Variants in LRTM1 observed in about 807,000 individuals in gnomAD.
The protein encoded by LRTM1 is leucine-rich repeat and transmembrane domain-containing protein 1.
Under a neutral mutation model 32.4 loss-of-function variants are expected in LRTM1, and 38 were observed. The observed-to-expected ratio is 1.17, with a 90% CI of 0.91 to 1.54. The LOEUF (loss-of-function observed/expected upper bound fraction) is 1.54. LRTM1 is among the 40% of genes most tolerant of loss of function. The pLI is 0.00. For missense variants in LRTM1, 466 were observed against 415.4 expected (o/e 1.12, Z -1.06); for synonymous variants, 186 against 169.9 (o/e 1.09, Z -0.74).
At chr3:54,952,379 A>G (rs977092303) in intron 1 of LRTM1, among the ~76,000 whole-genome samples, 1 of 152,166 alleles carries the variant, frequency 6.6e-6, no homozygotes, top group Non-Finnish European at 1.5e-5. Flanking sequence ...GGCCGCAAAC[A>G]TGAAGGGTCT....
chr3:54,955,895 A>C (rs1701877605), intron 1 of LRTM1, among the ~76,000 whole-genome samples: 1 of 152,180 alleles, frequency 6.6e-6, no homozygotes, highest in South Asian at 2.1e-4. Flanking sequence ...TTAACAACAG[A>C]AGATGGCTTT....
intron 1 of LRTM1, among the ~76,000 whole-genome samples, chr3:54,950,015 C>A (rs1200842642): frequency 1.3e-5 from 2 of 152,202 alleles, no homozygotes; most frequent in African/African-American, 4.8e-5. Context: ...AAAGATTCGT[C>A]TTGAAGTCTA....
chr3:54,925,066 G>T lies in LRTM1; in HGVS notation c.157C>A (p.Arg53=). The T allele has an allele frequency of 6.2e-7, 1 of 1,614,090 alleles. No individual in the cohort carries two copies. The highest frequency in any genetic ancestry group is 8.5e-7 in the Non-Finnish European group (1 of 1,180,020). Residue 53 remains arginine, a synonymous_variant, in exon 2 of 3, where the codon CGA becomes AGA. Transcript: ENST00000273286. The stretch of plus-strand genomic sequence containing the variant: ...TGATTATCTTGTAAATGCAGCGTTC[G>T]AGTCTGAGGAGGTAAATGGGAAGGG... ...EIPSHLPPQT[R]TLHLQDNQIH...
chr3:54,939,056 G>C (rs1374080657), intron 1 of LRTM1, among the ~76,000 whole-genome samples: 1 of 152,154 alleles, frequency 6.6e-6, no homozygotes, highest in East Asian at 1.9e-4. Flanking sequence ...GGGATAATGA[G>C]GCACTGTTAT....
chr3:54,926,505 TACACACACACACACACACACACACACAC>T (rs36205023), intron 1 of LRTM1, among the ~76,000 whole-genome samples: 1 of 143,312 alleles, frequency 7.0e-6, no homozygotes, highest in African/African-American at 2.6e-5. Context: ...GCCTGTCAAA[TACACACACACACACACACACACACACAC>T]ACACACACAC....
At chr3:54,925,671 A>C (rs1196025259) in intron 1 of LRTM1, among the ~76,000 whole-genome samples, 1 of 152,246 alleles carries the variant, frequency 6.6e-6, no homozygotes, top group Non-Finnish European at 1.5e-5. Context: ...TGATGATAGA[A>C]GTGTCCTACA....
intron 1 of LRTM1, among the ~76,000 whole-genome samples, chr3:54,966,714 G>A (rs1030910097): frequency 6.6e-6 from 1 of 152,152 alleles, no homozygotes; most frequent in Non-Finnish European, 1.5e-5. Flanking sequence ...AGCTACTCGG[G>A]AGGCTGAGGC....
At chr3:54,928,386 AC>A (rs1265593670), upstream of LRTM1, among the ~76,000 whole-genome samples, 2 of 152,068 alleles carry the variant, frequency 1.3e-5, no homozygotes, top group East Asian at 3.9e-4. Context: ...TGACTTATTA[AC>A]CATGCCGGGT....
Position 54,925,360 on chromosome 3 carries a change from G to A in LRTM1, c.8-145C>T, listed in dbSNP as rs549638400. ...TGCAAGAGAGGTTCTGTCACTCACC[G>A]TCTTTAGTAGAGCCAGGCTGGTCAG... On this transcript the variant is annotated intron_variant, in intron 1 of 2. Transcript: ENST00000273286. The A allele has an allele frequency of 5.2e-5, 34 of 657,376 alleles. 1 individual carries two copies. The highest frequency in any genetic ancestry group is 2.3e-4 in the African/African-American group (13 of 55,446). 40.7% of individuals were successfully genotyped at this position (657,376 alleles called of 1,614,324 possible). A position where few individuals can be genotyped will look rare whatever the true frequency, so the allele number is the denominator to read the frequency against.
rs1490680790 is a variant in LRTM1 at position 54,945,067 on chromosome 3, T to G, written c.-221-19852A>C. ...AGATGACAGTAATTCTAGGCCTTGT[T>G]TGGGGGCTATAAGCTTGTTTGTCAG... On this transcript the variant is annotated intron_variant, in intron 1 of 2. Coordinates refer to the LRTM1 transcript ENST00000493075. Among the ~76,000 whole-genome samples the G allele has an allele frequency of 1.3e-5, 2 of 152,128 alleles. 1 individual carries two copies. The highest frequency in any genetic ancestry group is 2.9e-5 in the Non-Finnish European group (2 of 68,026).
intron 1 of LRTM1, among the ~76,000 whole-genome samples, chr3:54,960,201 G>C (rs774747092): frequency 3.3e-5 from 5 of 152,078 alleles, no homozygotes; most frequent in Non-Finnish European, 4.4e-5. Context: ...GATTAAAATA[G>C]GCCTCCTCAG....
chr3:54,949,486 T>C (rs1190364645), intron 1 of LRTM1, among the ~76,000 whole-genome samples: 2 of 152,160 alleles, frequency 1.3e-5, no homozygotes, highest in Non-Finnish European at 2.9e-5. Flanking sequence ...GATCGTTCAT[T>C]ATTGGTTTAT....
intron 1 of LRTM1, among the ~76,000 whole-genome samples, chr3:54,964,077 T>C (rs1281018484): frequency 6.6e-6 from 1 of 152,186 alleles, no homozygotes; most frequent in African/African-American, 2.4e-5. Flanking sequence ...TGGCAATTCT[T>C]ATAACAATAA....
chr3:54,943,787 C>G (rs545750736), intron 1 of LRTM1, among the ~76,000 whole-genome samples: 29 of 152,292 alleles, frequency 1.9e-4, no homozygotes, highest in African/African-American at 6.3e-4. Flanking sequence ...TAATAGCTCT[C>G]TAGGTTTGCT....
chr3:54,942,075 A>G (rs1196446566), intron 1 of LRTM1, among the ~76,000 whole-genome samples: 3 of 152,224 alleles, frequency 2.0e-5, no homozygotes, highest in East Asian at 1.9e-4. Flanking sequence ...AGGAACTTCA[A>G]ATAGGGTTTA....
chr3:54,932,883 T>C (rs1701226800), upstream of LRTM1, among the ~76,000 whole-genome samples: 1 of 152,164 alleles, frequency 6.6e-6, no homozygotes, highest in Non-Finnish European at 1.5e-5. Flanking sequence ...GCACCACAAA[T>C]CCATGCAGAA....
intron 1 of LRTM1, among the ~76,000 whole-genome samples, chr3:54,944,136 G>C (rs1399038026): frequency 6.6e-6 from 1 of 152,106 alleles, no homozygotes; most frequent in African/African-American, 2.4e-5. Flanking sequence ...GGTAGGAACA[G>C]GATTGCCCAG....
At chr3:54,921,623 T>C (rs1218659529) in intron 2 of LRTM1, among the ~76,000 whole-genome samples, 1 of 152,170 alleles carries the variant, frequency 6.6e-6, no homozygotes, top group East Asian at 1.9e-4. Context: ...ATTAATTGAA[T>C]TAATTAATGC....
Position 54,918,356 on chromosome 3 carries a change from G to GTTTTTTTTTTTTTT in LRTM1, c.*102_*103insAAAAAAAAAAAAAA. ...TCTTTTTTTTTTTTTTTTTTTTTTT[G>GTTTTTTTTTTTTTT]TCTTTTGGCAAAAGCAAAATCAGAC... On this transcript the variant is annotated 3_prime_UTR_variant, in exon 3 of 3. Transcript: ENST00000273286. 1 of 157,274 alleles carries GTTTTTTTTTTTTTT rather than the reference G, an allele frequency of 6.4e-6. No homozygotes were observed. Among genetic ancestry groups the GTTTTTTTTTTTTTT allele is most frequent in the Non-Finnish European group, 1.1e-5 (1 of 87,618 alleles). The allele number at this position is 157,274 out of a possible 1,614,324, so 9.7% of individuals were successfully genotyped here.
Sources: allele counts gnomAD v4.1 joint callset (sites outside exome capture counted in the v4.1 genomes callset), GRCh38; gene constraint gnomAD v4.1.1; transcripts MANE v1.5; gene names NCBI Gene and HGNC (gene_info 2026-07-23, HGNC 2026-07-21).